The following NEMF variants were observed in gnomAD, a reference collection of about 807,000 sequenced individuals.
NEMF encodes the protein nuclear export mediator factor.
NEMF carries 89 observed loss-of-function variants against 162.2 expected under a neutral mutation model. The observed-to-expected ratio is 0.55, with a 90% CI of 0.46 to 0.65. NEMF has a LOEUF of 0.65. Ranked by LOEUF, NEMF falls within the 30% of genes least tolerant of loss-of-function variation. The probability of loss-of-function intolerance (pLI) is 0.00; values close to 1 mark genes in which losing one functional copy is unlikely to be tolerated. For missense variants in NEMF, 1,133 were observed against 1,261.9 expected (o/e 0.90, Z 1.55); for synonymous variants, 421 against 404.5 (o/e 1.04, Z -0.49).
intron 25 of NEMF, chr14:49,796,407 G>A: frequency 4.9e-6 from 2 of 409,450 alleles, no homozygotes; most frequent in South Asian, 1.8e-5. Context: ...TGTTCCCAAT[G>A]CCAACGTCTT....
intron 4 of NEMF, among the ~76,000 whole-genome samples, chr14:49,842,747 C>T (rs981371560): frequency 3.9e-5 from 6 of 152,234 alleles, no homozygotes; most frequent in Non-Finnish European, 8.8e-5. Flanking sequence ...TGGCTCACGC[C>T]TGTAATCCCA....
In NEMF at chr14:49,799,480, T is replaced by C. The variant is rs750374274; in HGVS notation, c.2460A>G (p.Glu820=). The change falls in exon 25 of 33, where the codon GAA becomes GAG. Residue 820 remains glutamate (E), a synonymous_variant. Coordinates refer to ENST00000298310, the MANE Select transcript of NEMF (RefSeq NM_004713.6). ...SQSRRHLSAK[E]RREMKKKKLP... The stretch of plus-strand genomic sequence containing the variant: ...ATTAACACAGATGTGTTTACCTTCT[T>C]TCCTTGGCTGACAAATGTCTCCGGC... The C allele has an allele frequency of 9.3e-5, 150 of 1,609,372 alleles. No homozygotes were observed. Among genetic ancestry groups the C allele is most frequent in the Non-Finnish European group, 3.4e-6 (4 of 1,178,826 alleles).
chr14:49,850,712 C>CA lies in NEMF; in HGVS notation c.231+850dup, dbSNP rs200733024. Reference sequence around the variant, plus strand: ...AACATATTAATGTCAGTGAGTATTCCAAAAAAAAAAAAATACTGACTGGGT... The same window carrying CA: ...AACATATTAATGTCAGTGAGTATTCCAAAAAAAAAAAAAATACTGACTGGGT... On this transcript the variant is annotated intron_variant, in intron 3 of 32. Coordinates refer to ENST00000298310, the MANE Select transcript of NEMF (RefSeq NM_004713.6). Among the ~76,000 whole-genome samples the CA allele has an allele frequency of 4.2e-3, 564 of 133,760 alleles. 3 individuals are homozygous for CA. Among genetic ancestry groups the CA allele is most frequent in the African/African-American group, 0.013 (469 of 36,426 alleles). 87.8% of individuals were successfully genotyped at this position (133,760 alleles called of 152,430 possible).
chr14:49,789,381 T>G (rs746085355), intron 27 of NEMF, 38 bp from the exon 28 acceptor site: 2 of 1,610,278 alleles, frequency 1.2e-6, no homozygotes, highest in East Asian at 4.5e-5. Flanking sequence ...AGTGTTGTAT[T>G]TTCAATACTG....
chr14:49,851,712 C>T, intron 2 of NEMF, 47 bp from the exon 3 acceptor site: 1 of 1,519,948 alleles, frequency 6.6e-7, no homozygotes, highest in South Asian at 1.1e-5. Context: ...TATGCCAAAG[C>T]TAATTGCTAA....
chr14:49,799,529 TAAAAC>T lies in NEMF; in HGVS notation c.2416-10_2416-6del, dbSNP rs768824322. On this transcript the variant is annotated splice_region_variant and splice_polypyrimidine_tract_variant and intron_variant, in intron 24 of 32. Transcript: ENST00000298310. The stretch of plus-strand genomic sequence containing the variant: ...GCTCTGTGATTTACTGTCACTCTAT[TAAAAC>T]AAAAAAACAGGCAAATGCAAATATC... 8 of 1,610,648 alleles carry T rather than the reference TAAAAC, an allele frequency of 5.0e-6. No homozygotes were observed. The highest frequency in any genetic ancestry group is 2.5e-6 in the Non-Finnish European group (3 of 1,179,250).
chr14:49,829,542 T>C, intron 11 of NEMF, 116 bp from the exon 12 acceptor site: 1 of 840,934 alleles, frequency 1.2e-6, no homozygotes, highest in Non-Finnish European at 1.9e-6. Context: ...TCTAGCTAGC[T>C]GAAGTTCCCA....
rs77877267 is a variant in NEMF at position 49,852,025 on chromosome 14, T to G, written c.60-150A>C. 1.7e-3 allele frequency: 960 copies of G among 570,454 alleles called. 3 individuals carry two copies. The highest frequency in any genetic ancestry group is 0.014 in the African/African-American group (745 of 53,076). The allele number at this position is 570,454 out of a possible 1,614,324, so 35.3% of individuals were successfully genotyped here. A position where few individuals can be genotyped will look rare whatever the true frequency, so the allele number is the denominator to read the frequency against. ...GCAGAGTCTGAAAGCCATTTGGAGA[T>G]TCAGTTCAAAACTTAAGAGTAACGA... On this transcript the variant is annotated intron_variant, in intron 1 of 32. Transcript: ENST00000298310.
chr14:49,782,554 G>A lies in NEMF; in HGVS notation c.*2082C>T. On this transcript the variant is annotated 3_prime_UTR_variant, in exon 33 of 33. Coordinates refer to ENST00000298310, the MANE Select transcript of NEMF (RefSeq NM_004713.6). ...ATTTATTTTTCAGGCACACAGTAATGAAATACTAATATTTTCAGTTCAACC... is the reference window on the plus strand; with the variant it reads ...ATTTATTTTTCAGGCACACAGTAATAAAATACTAATATTTTCAGTTCAACC... 6.2e-7 allele frequency: 1 copy of A among 1,607,536 alleles called. No homozygotes were observed. Among genetic ancestry groups the A allele is most frequent in the Non-Finnish European group, 8.5e-7 (1 of 1,175,730 alleles).
intron 27 of NEMF, 47 bp downstream of exon 27, chr14:49,789,449 T>C (rs201339155): frequency 1.6e-5 from 26 of 1,609,676 alleles, no homozygotes; most frequent in Middle Eastern, 3.3e-4. Context: ...GTGGGCTAGA[T>C]GCCCATTTGA....
Position 49,845,242 on chromosome 14 carries a change from G to A in NEMF, c.357+898C>T, listed in dbSNP as rs1326539206. 5.9e-5 allele frequency among the ~76,000 whole-genome samples: 9 copies of A among 152,030 alleles called. No individual in the cohort carries two copies. The South Asian group carries it at 6.2e-4, about 11-fold the overall frequency. On this transcript the variant is annotated intron_variant, in intron 4 of 32. Transcript: ENST00000298310. Reference sequence around the variant, plus strand: ...CGAGTAGCTGGGATTATAGGTGCCCGCCACCACGCCCAGCTAATTTTTGTA... The same window carrying A: ...CGAGTAGCTGGGATTATAGGTGCCCACCACCACGCCCAGCTAATTTTTGTA...
At chr14:49,805,928 G>T in intron 19 of NEMF, 93 bp downstream of exon 19, 1 of 669,800 alleles carries the variant, frequency 1.5e-6, no homozygotes. Flanking sequence ...TAGCTCTATT[G>T]AGCCTTGTCT....
chr14:49,816,825 G>A (rs570246747), intron 16 of NEMF, among the ~76,000 whole-genome samples: 1 of 152,230 alleles, frequency 6.6e-6, no homozygotes, highest in South Asian at 2.1e-4. Flanking sequence ...CAAAGACATA[G>A]GGACAAAAAG....
In NEMF at chr14:49,786,688, TGTA is replaced by T. The variant is rs1225484724; in HGVS notation, c.2928+27_2928+29del. The T allele has an allele frequency of 3.8e-6, 6 of 1,594,892 alleles. 1 individual carries two copies. On this transcript the variant is annotated intron_variant, in intron 29 of 32. Coordinates refer to ENST00000298310, the MANE Select transcript of NEMF (RefSeq NM_004713.6). ...GGGAACTGAATTGTAATCACAGTGT[TGTA>T]GTAGGAACCCCAACATAAAATCATA...
At chr14:49,807,527 C>A (rs548415939) in intron 18 of NEMF, among the ~76,000 whole-genome samples, 16 of 151,832 alleles carry the variant, frequency 1.1e-4, no homozygotes, top group African/African-American at 3.6e-4. Context: ...ATCACCAACA[C>A]GTGTTATTGT....
At position 49,800,523 on chromosome 14, in the gene NEMF, C is replaced by G; in HGVS notation, c.2269G>C (p.Val757Leu). The change falls in exon 23 of 33, where the codon GTT becomes CTT. Residue 757 changes from valine (V) to leucine (L), a missense_variant. Physicochemically the swap from Val to Leu is conservative, Grantham distance 32. This residue lies in a region of NEMF where 532 missense variants were observed against 578.6 expected (regional missense o/e 0.92). Coordinates refer to ENST00000298310, the MANE Select transcript of NEMF (RefSeq NM_004713.6). ...CCAACAGAATCCTGATCTTTTCTAACCTCTTCATATTCTCCTTCGTCTTCA... is the reference window on the plus strand; with the variant it reads ...CCAACAGAATCCTGATCTTTTCTAAGCTCTTCATATTCTCCTTCGTCTTCA... ...SSEDEGEYEE[V>L]RKDQDSVGEM... 1.2e-6 allele frequency: 2 copies of G among 1,613,976 alleles called. No homozygotes were observed. The highest frequency in any genetic ancestry group is 1.7e-6 in the Non-Finnish European group (2 of 1,179,914).
chr14:49,784,813 T>G, intron 32 of NEMF, 100 bp from the exon 33 acceptor site: 1 of 1,389,112 alleles, frequency 7.2e-7, no homozygotes, highest in Non-Finnish European at 1.0e-6. Context: ...TTAGCTGAGA[T>G]GGTTTTACTG....
Position 49,782,889 on chromosome 14 carries a change from T to C in NEMF, c.*1747A>G, listed in dbSNP as rs1157426060. ...ATGTTAGCCAACTCATGGAACTGCC[T>C]TCCAAAACACTTACTTCACAGTGTT... On this transcript the variant is annotated 3_prime_UTR_variant, in exon 33 of 33. Coordinates refer to ENST00000298310, the MANE Select transcript of NEMF (RefSeq NM_004713.6). 2 of 1,613,846 alleles carry C rather than the reference T, an allele frequency of 1.2e-6. No individual in the cohort carries two copies. Among genetic ancestry groups the C allele is most frequent in the Non-Finnish European group, 1.7e-6 (2 of 1,179,778 alleles).
chr14:49,804,007 C>T lies in NEMF; in HGVS notation c.1858-713G>A, dbSNP rs140937594. ...TACTGTTTTTGATAATAAAGTTTTG[C>T]CTTTTTTTTTTTTTTGAGACAGAGT... On this transcript the variant is annotated intron_variant, in intron 19 of 32. Coordinates refer to ENST00000298310, the MANE Select transcript of NEMF (RefSeq NM_004713.6). Among the ~76,000 whole-genome samples the T allele has an allele frequency of 4.5e-3, 673 of 148,808 alleles. 2 individuals carry two copies. Among genetic ancestry groups the T allele is most frequent in the Middle Eastern group, 0.018 (5 of 278 alleles).
Sources: gnomAD v4.1 joint callset for allele counts (sites outside exome capture counted in the v4.1 genomes callset) on GRCh38, gnomAD v4.1.1 for gene constraint, gnomAD v4.1.1 regional missense constraint, MANE v1.5 for transcripts, NCBI Gene and HGNC (gene_info 2026-07-23, HGNC 2026-07-21) for gene names.